HDAC9: variants seen among roughly 807,000 people sequenced by gnomAD.
HDAC9 encodes MEF-2 interacting transcription repressor (MITR) protein.
Under a neutral mutation model 139.4 loss-of-function variants are expected in HDAC9, and 41 were observed. The observed-to-expected ratio is 0.29, with a 90% CI of 0.23 to 0.38. The LOEUF is 0.38. Among genes scored for constraint, HDAC9 ranks in the 10% least tolerant of loss-of-function variants. The pLI, the probability that HDAC9 is intolerant of heterozygous loss-of-function variation, is 1.00. For synonymous variants in HDAC9, 517 were observed against 476.2 expected (o/e 1.09, Z -1.12); for missense variants, 1,147 against 1,297.0 (o/e 0.88, Z 1.78).
chr7:18,509,527 T>A (rs1025452205), intron 2 of HDAC9: 4 of 790,100 alleles, frequency 5.1e-6, no homozygotes, highest in East Asian at 1.3e-4. Flanking sequence ...CTGTATTTTT[T>A]AAATGAGGCT....
At chr7:18,965,948 CACAG>C (rs752253394) in intron 24 of HDAC9, among the ~76,000 whole-genome samples, 3 of 152,154 alleles carry the variant, frequency 2.0e-5, no homozygotes, top group Non-Finnish European at 2.9e-5. Flanking sequence ...TCTTGTCAGC[CACAG>C]ACAGTCTTGG....
At chr7:18,138,990 C>T (rs1191607700) in intron 1 of HDAC9, among the ~76,000 whole-genome samples, 1 of 152,036 alleles carries the variant, frequency 6.6e-6, no homozygotes, top group Non-Finnish European at 1.5e-5. Context: ...CATTTCTAAA[C>T]TTGGTAGTCA....
chr7:18,759,431 G>A (rs1789175214), intron 14 of HDAC9, among the ~76,000 whole-genome samples: 1 of 152,000 alleles, frequency 6.6e-6, no homozygotes, highest in Non-Finnish European at 1.5e-5. Context: ...GAGGGATCTA[G>A]GTTGAGCGCT....
chr7:18,797,014 G>A (rs1315851149), intron 17 of HDAC9, among the ~76,000 whole-genome samples: 6 of 152,158 alleles, frequency 3.9e-5, no homozygotes, highest in Non-Finnish European at 7.4e-5. Flanking sequence ...GAATGAATAT[G>A]AGTTTGAGTG....
At chr7:18,167,617 G>C (rs534519274) in intron 2 of HDAC9, among the ~76,000 whole-genome samples, 1 of 152,182 alleles carries the variant, frequency 6.6e-6, no homozygotes, top group South Asian at 2.1e-4. Flanking sequence ...TGCTTCTTCA[G>C]TTCATGTATT....
intron 1 of HDAC9, among the ~76,000 whole-genome samples, chr7:18,324,761 A>G (rs1034106472): frequency 1.3e-5 from 2 of 152,186 alleles, no homozygotes; most frequent in African/African-American, 4.8e-5. Flanking sequence ...TGAGCAAGAA[A>G]TAGCTCTTGC....
chr7:18,680,701 A>G (rs1482433342), intron 12 of HDAC9, among the ~76,000 whole-genome samples: 1 of 152,072 alleles, frequency 6.6e-6, no homozygotes, highest in Non-Finnish European at 1.5e-5. Context: ...AGGCAGTGGC[A>G]TATGGAAAAG....
At chr7:18,299,894 T>G (rs73305260) in intron 1 of HDAC9, among the ~76,000 whole-genome samples, 1 of 152,166 alleles carries the variant, frequency 6.6e-6, no homozygotes, top group Non-Finnish European at 1.5e-5. Context: ...CGTATTTTAG[T>G]CAAAGATGTT....
At chr7:18,227,765 G>A (rs1309601679) in intron 2 of HDAC9, among the ~76,000 whole-genome samples, 2 of 151,966 alleles carry the variant, frequency 1.3e-5, no homozygotes, top group Non-Finnish European at 2.9e-5. Context: ...TGTACCTTTT[G>A]TGTAATGTTA....
intron 2 of HDAC9, among the ~76,000 whole-genome samples, chr7:18,182,609 T>G (rs1025080154): frequency 6.6e-6 from 1 of 152,228 alleles, no homozygotes; most frequent in African/African-American, 2.4e-5. Flanking sequence ...TGAATTATTT[T>G]CATAAGCCTT....
At position 18,785,397 on chromosome 7, in the gene HDAC9, C is replaced by T. The variant is rs1191099867; in HGVS notation, c.2215-7948C>T. Among the ~76,000 whole-genome samples the T allele has an allele frequency of 4.0e-5, 6 of 151,758 alleles. No individual in the cohort carries two copies. In the South Asian group the frequency reaches 1.2e-3, roughly 31 times the overall value. On this transcript the variant is annotated intron_variant, in intron 16 of 25. Coordinates refer to ENST00000686413, the MANE Select transcript of HDAC9 (RefSeq NM_178425.4). ...GGCTCTATGCACTAGAAGCCAGTAG[C>T]ACACCTCCCTTACTCAGTCATGACA...
At chr7:18,100,210 A>G (rs1318847852) in intron 1 of HDAC9, among the ~76,000 whole-genome samples, 1 of 152,006 alleles carries the variant, frequency 6.6e-6, no homozygotes, top group African/African-American at 2.4e-5. Context: ...TCCTTTATAG[A>G]TATCAAGTCC....
chr7:18,807,233 TGG>T (rs1712862864), intron 17 of HDAC9, among the ~76,000 whole-genome samples: 1 of 152,304 alleles, frequency 6.6e-6, no homozygotes, highest in Non-Finnish European at 1.5e-5. Flanking sequence ...TCCAATTTGT[TGG>T]CATATAGTTA....
chr7:18,098,793 A>T (rs1347107409), intron 1 of HDAC9, among the ~76,000 whole-genome samples: 1 of 152,216 alleles, frequency 6.6e-6, no homozygotes, highest in Non-Finnish European at 1.5e-5. Context: ...TCTTGAATAG[A>T]TTTCACACAA....
intron 21 of HDAC9, among the ~76,000 whole-genome samples, chr7:18,839,698 A>G (rs1004942725): frequency 6.6e-6 from 1 of 152,078 alleles, no homozygotes; most frequent in East Asian, 1.9e-4. Context: ...TCATTTTGTT[A>G]TAAGAATGTC....
chr7:18,452,463 A>G (rs1011412275), intron 1 of HDAC9, among the ~76,000 whole-genome samples: 34 of 152,276 alleles, frequency 2.2e-4, no homozygotes, highest in Non-Finnish European at 1.5e-5. Flanking sequence ...CCTTTGTGGG[A>G]AACTACAGGT....
intron 21 of HDAC9, among the ~76,000 whole-genome samples, chr7:18,874,027 G>A (rs1799130708): frequency 6.6e-6 from 1 of 151,022 alleles, no homozygotes; most frequent in Admixed American, 6.6e-5. Flanking sequence ...AGTTGGGAAA[G>A]CAAACTTTTC....
chr7:18,927,164 T>A (rs963210371), intron 22 of HDAC9, among the ~76,000 whole-genome samples: 2 of 152,180 alleles, frequency 1.3e-5, no homozygotes, highest in African/African-American at 4.8e-5. Flanking sequence ...TTGCATGAAA[T>A]AAACCTTTTT....
At chr7:18,221,934 G>C (rs1178203151) in intron 2 of HDAC9, among the ~76,000 whole-genome samples, 3 of 152,068 alleles carry the variant, frequency 2.0e-5, no homozygotes, top group Non-Finnish European at 4.4e-5. Context: ...CAAAATATCT[G>C]ATCTCAAGAA....
Sources: allele counts gnomAD v4.1 joint callset (sites outside exome capture counted in the v4.1 genomes callset), GRCh38; gene constraint gnomAD v4.1.1; transcripts MANE v1.5; gene names NCBI Gene and HGNC (gene_info 2026-07-23, HGNC 2026-07-21).